The following RERE variants were observed in gnomAD, a reference collection of about 807,000 sequenced individuals.
The protein encoded by RERE is arginine-glutamic acid dipeptide repeats protein.
Under a neutral mutation model 146.1 loss-of-function variants are expected in RERE, and 40 were observed. The ratio of observed to expected loss-of-function variants is 0.27; its 90% CI spans 0.21 to 0.36. The LOEUF is 0.36. RERE is among the 10% of genes least tolerant of loss of function. The pLI is 1.00. For synonymous variants in RERE, 1,003 were observed against 866.0 expected (o/e 1.16, Z -2.78); for missense variants, 1,933 against 2,138.7 (o/e 0.90, Z 1.90).
chr1:8,388,582 G>A (rs1642768475), intron 12 of RERE, among the ~76,000 whole-genome samples: 3 of 151,912 alleles, frequency 2.0e-5, no homozygotes, highest in Admixed American at 2.0e-4. Context: ...GCCTCCCAAA[G>A]TGCTGGGATT....
At chr1:8,767,692 TA>T (rs1282803017) in intron 1 of RERE, among the ~76,000 whole-genome samples, 1 of 150,032 alleles carries the variant, frequency 6.7e-6, no homozygotes, top group Non-Finnish European at 1.5e-5. Flanking sequence ...TAAAAAAAAT[TA>T]AAAATAGCCT....
chr1:8,461,854 T>C (rs1027300980), intron 11 of RERE, among the ~76,000 whole-genome samples: 1 of 151,862 alleles, frequency 6.6e-6, no homozygotes, highest in Non-Finnish European at 1.5e-5. Context: ...ATTATTATTA[T>C]TTTTTTTGGA....
intron 1 of RERE, among the ~76,000 whole-genome samples, chr1:8,666,004 C>G (rs1047108470): frequency 1.3e-5 from 2 of 152,160 alleles, no homozygotes; most frequent in South Asian, 2.1e-4. Context: ...ACTCACACAA[C>G]TATGTGTGAG....
rs183478508 is a variant in RERE at position 8,536,601 on chromosome 1, T to C, written c.830+4613A>G. On this transcript the variant is annotated intron_variant, in intron 7 of 22. Coordinates refer to ENST00000400908, the MANE Select transcript of RERE (RefSeq NM_001042681.2). ...ATGAAGACCTCTGAGCTGAAATTTA[T>C]TGACTTTATTAAGTTTCTTGGCAGA... Among the ~76,000 whole-genome samples the C allele has an allele frequency of 8.3e-4, 126 of 152,330 alleles. 1 individual carries two copies. Among genetic ancestry groups the C allele is most frequent in the African/African-American group, 2.9e-3 (120 of 41,572 alleles).
At position 8,588,049 on chromosome 1, in the gene RERE, C is replaced by T. The variant is rs2124089212; in HGVS notation, c.522+26512G>A. ...ACACACATTAAGTTCCCACTATGTG[C>T]CATGCACTGTAAAGCCTGAAGCCAC... On this transcript the variant is annotated intron_variant, in intron 4 of 22. Transcript: ENST00000400908. Among the ~76,000 whole-genome samples the T allele has an allele frequency of 1.3e-5, 2 of 152,274 alleles. 1 individual carries two copies. Among genetic ancestry groups the T allele is most frequent in the South Asian group, 4.1e-4 (2 of 4,830 alleles).
At chr1:8,773,965 C>T (rs1641006563) in intron 1 of RERE, among the ~76,000 whole-genome samples, 1 of 152,232 alleles carries the variant, frequency 6.6e-6, no homozygotes, top group African/African-American at 2.4e-5. Flanking sequence ...ATCTTTCCCA[C>T]TCATTTACTC....
chr1:8,526,391 A>G (rs1283356078), intron 7 of RERE, among the ~76,000 whole-genome samples: 1 of 152,118 alleles, frequency 6.6e-6, no homozygotes, highest in Non-Finnish European at 1.5e-5. Context: ...ACACAAGATC[A>G]ACTAATAGAA....
rs1466562403 is a variant in RERE at position 8,627,342 on chromosome 1, A to T, written c.326-2962T>A. 2.0e-5 allele frequency among the ~76,000 whole-genome samples: 3 copies of T among 151,758 alleles called. No homozygotes were observed. In the South Asian group the frequency reaches 6.3e-4, roughly 32 times the overall value. ...AATGTCTGCCATTAGTGTGGGGGTTAAAAAAAATAAAAAATAAAAAATAAG... is the reference window on the plus strand; with the variant it reads ...AATGTCTGCCATTAGTGTGGGGGTTTAAAAAAATAAAAAATAAAAAATAAG... On this transcript the variant is annotated intron_variant, in intron 2 of 22. Coordinates refer to ENST00000400908, the MANE Select transcript of RERE (RefSeq NM_001042681.2).
At chr1:8,776,193 C>CT (rs1473461287) in intron 1 of RERE, among the ~76,000 whole-genome samples, 3 of 152,210 alleles carry the variant, frequency 2.0e-5, no homozygotes, top group African/African-American at 7.2e-5. Context: ...CAAACCATTT[C>CT]TTATATAAAT....
intron 8 of RERE, among the ~76,000 whole-genome samples, chr1:8,508,284 G>T (rs1310488839): frequency 2.0e-5 from 3 of 152,196 alleles, no homozygotes. Context: ...CAAAAACAGA[G>T]AGAGGAAGGA....
intron 10 of RERE, among the ~76,000 whole-genome samples, chr1:8,467,057 A>T (rs777716246): frequency 1.3e-4 from 20 of 152,226 alleles, no homozygotes; most frequent in Non-Finnish European, 2.5e-4. Flanking sequence ...CCAGTGCTGA[A>T]CACAGTCCAT....
rs542924134 is a variant in RERE at position 8,574,789 on chromosome 1, G to A, written c.523-17266C>T. ...AGTTACGCAGTTAGTGGCTAGGAGA[G>A]GGCACGAGGGTAACCTCTGGAGTGC... On this transcript the variant is annotated intron_variant, in intron 4 of 22. Transcript: ENST00000400908. Among the ~76,000 whole-genome samples the A allele has an allele frequency of 2.6e-5, 4 of 152,292 alleles. No homozygotes were observed. The South Asian group carries it at 8.3e-4, about 32-fold the overall frequency.
In RERE at chr1:8,364,556, T is replaced by C. The variant is rs1445904775; in HGVS notation, c.1540+190A>G. 6.6e-6 allele frequency among the ~76,000 whole-genome samples: 1 copy of C among 152,128 alleles called. No individual in the cohort carries two copies. The highest frequency in any genetic ancestry group is 2.4e-5 in the African/African-American group (1 of 41,426). On this transcript the variant is annotated intron_variant, in intron 14 of 22. Coordinates refer to ENST00000400908, the MANE Select transcript of RERE (RefSeq NM_001042681.2). This position sits in a 1 kb window ranked among gnomAD's most constrained non-coding sequence, Gnocchi z 5.1. ...ATCTGTCCTGCCTACCAGTCAGTAT[T>C]CCATACCGACTGCCAAGCAGAGGAG...
chr1:8,641,492 A>G (rs954882824), intron 2 of RERE, among the ~76,000 whole-genome samples: 35 of 152,330 alleles, frequency 2.3e-4, no homozygotes, highest in African/African-American at 8.2e-4. Context: ...TCTCAGTCCA[A>G]TTAGATTCTA....
chr1:8,465,771 G>A (rs1644587668), intron 11 of RERE, 154 bp downstream of exon 11: 1 of 700,538 alleles, frequency 1.4e-6, no homozygotes, highest in African/African-American at 1.7e-5. Context: ...CAATTAAGGG[G>A]CTGAAGGGCC....
chr1:8,664,495 G>C (rs116585328), intron 1 of RERE, among the ~76,000 whole-genome samples: 83 of 152,264 alleles, frequency 5.5e-4, no homozygotes, highest in African/African-American at 2.0e-3. Flanking sequence ...TGTGAAAACT[G>C]TTCACCTGGG....
Position 8,423,021 on chromosome 1 carries a change from C to T in RERE, c.1204-214G>A. ...TTCATCAGAACCCCAATCCCACCCA[C>T]CACGCAGGGCAGCGCGTTTAAGAGA... On this transcript the variant is annotated intron_variant, in intron 11 of 22. Transcript: ENST00000400908. The surrounding 1 kb of genome is among the most constrained non-coding windows in gnomAD (Gnocchi z 5.4). The T allele has an allele frequency of 1.9e-6, 1 of 530,376 alleles. No individual in the cohort carries two copies. Among genetic ancestry groups the T allele is most frequent in the East Asian group, 3.0e-5 (1 of 32,908 alleles). The allele number at this position is 530,376 out of a possible 1,614,324, so 32.9% of individuals were successfully genotyped here.
At chr1:8,649,495 C>T (rs1445465585) in intron 2 of RERE, among the ~76,000 whole-genome samples, 3 of 151,800 alleles carry the variant, frequency 2.0e-5, no homozygotes, top group Non-Finnish European at 2.9e-5. Context: ...TTTGGGAGGC[C>T]GAGGTGGGCA....
chr1:8,362,287 G>A (rs1641609320), intron 16 of RERE, among the ~76,000 whole-genome samples: 1 of 152,196 alleles, frequency 6.6e-6, no homozygotes, highest in African/African-American at 2.4e-5. Flanking sequence ...GGATGTGACT[G>A]GTCACATGCA....
Sources: allele counts gnomAD v4.1 joint callset (sites outside exome capture counted in the v4.1 genomes callset), GRCh38; gene constraint gnomAD v4.1.1; non-coding constraint Gnocchi (gnomAD v3.1); transcripts MANE v1.5; gene names NCBI Gene and HGNC (gene_info 2026-07-23, HGNC 2026-07-21).